Variants in DCDC2 observed in about 807,000 individuals in gnomAD.
DCDC2 encodes doublecortin domain containing 2, also known as doublecortin domain-containing protein 2.
In DCDC2, 40 loss-of-function variants were observed where a neutral mutation model predicts 50.2. The observed-to-expected ratio is 0.80, with a 90% CI of 0.62 to 1.04. The LOEUF is 1.04. DCDC2 is among the 50% of genes least tolerant of loss of function. DCDC2 has a pLI of 0.00. For synonymous variants in DCDC2, 234 were observed against 210.6 expected, an observed-to-expected ratio of 1.11 and a Z score of -0.96; for missense variants, 570 against 581.9, an observed-to-expected ratio of 0.98 and a Z score of 0.21.
At chr6:24,183,585 G>C (rs974004428) in intron 8 of DCDC2, among the ~76,000 whole-genome samples, 3 of 152,152 alleles carry the variant, frequency 2.0e-5, no homozygotes, top group African/African-American at 7.2e-5. Flanking sequence ...TTGGCCCAGA[G>C]ACAAGTTTCC....
chr6:24,262,688 G>T (rs548360029), intron 7 of DCDC2, among the ~76,000 whole-genome samples: 54 of 152,344 alleles, frequency 3.5e-4, no homozygotes, highest in African/African-American at 1.3e-3. Context: ...AGGATAGGGT[G>T]CCAGGCAGAG....
chr6:24,190,157 A>C (rs1009456191), intron 8 of DCDC2, among the ~76,000 whole-genome samples: 1 of 151,946 alleles, frequency 6.6e-6, no homozygotes, highest in Non-Finnish European at 1.5e-5. Flanking sequence ...ATGACCCTGT[A>C]AGTACAGAAG....
chr6:24,225,671 A>G (rs1018692656), intron 7 of DCDC2, among the ~76,000 whole-genome samples: 1 of 151,872 alleles, frequency 6.6e-6, no homozygotes, highest in Admixed American at 6.6e-5. Flanking sequence ...TACATTTTAT[A>G]TATTACATTA....
At chr6:24,367,630 A>C in the DCDC2 span, among the ~76,000 whole-genome samples, 1 of 152,242 alleles carries the variant, frequency 6.6e-6, no homozygotes, top group Non-Finnish European at 1.5e-5. Flanking sequence ...TTAAATGTAA[A>C]GTGATCCTGG....
chr6:24,196,237 G>A (rs1463918851), intron 8 of DCDC2, among the ~76,000 whole-genome samples: 1 of 144,338 alleles, frequency 6.9e-6, no homozygotes, highest in Admixed American at 7.0e-5. Flanking sequence ...TTTTTTTTAT[G>A]CAATACTCTC....
At chr6:24,286,545 A>T (rs889741195) in intron 6 of DCDC2, among the ~76,000 whole-genome samples, 23 of 150,478 alleles carry the variant, frequency 1.5e-4, no homozygotes, top group African/African-American at 5.2e-4. Flanking sequence ...GTAAACCATG[A>T]TCATGCCACT....
At chr6:24,254,219 G>A (rs969902246) in intron 7 of DCDC2, among the ~76,000 whole-genome samples, 15 of 152,104 alleles carry the variant, frequency 9.9e-5, no homozygotes, top group Admixed American at 9.2e-4. Flanking sequence ...GATACCTCCT[G>A]AAACACCTAC....
intron 7 of DCDC2, among the ~76,000 whole-genome samples, chr6:24,275,001 G>T (rs1350886456): frequency 6.6e-6 from 1 of 151,864 alleles, no homozygotes; most frequent in East Asian, 1.9e-4. Context: ...AGTAGAAAAA[G>T]CCATGTAAAT....
intron 7 of DCDC2, among the ~76,000 whole-genome samples, chr6:24,248,989 T>A (rs893215844): frequency 5.3e-5 from 8 of 152,196 alleles, no homozygotes; most frequent in Non-Finnish European, 1.2e-4. Context: ...TTTTTGCATT[T>A]AATAATTTTA....
At chr6:24,382,642 A>G in the DCDC2 span, among the ~76,000 whole-genome samples, 9 of 152,338 alleles carry the variant, frequency 5.9e-5, no homozygotes, top group South Asian at 1.9e-3. Flanking sequence ...ATGAAACTGG[A>G]TTCACCCTGT....
intron 7 of DCDC2, among the ~76,000 whole-genome samples, chr6:24,244,633 C>T (rs1762632704): frequency 6.6e-6 from 1 of 152,214 alleles, no homozygotes; most frequent in Non-Finnish European, 1.5e-5. Context: ...GTGCTTTCTC[C>T]TACTTTTCCT....
chr6:24,280,376 T>G (rs1763445466), intron 6 of DCDC2, among the ~76,000 whole-genome samples: 1 of 151,950 alleles, frequency 6.6e-6, no homozygotes, highest in South Asian at 2.1e-4. Flanking sequence ...GGGTTTTTTT[T>G]TTTTTTCTTT....
upstream of DCDC2, among the ~76,000 whole-genome samples, chr6:24,358,994 A>ATT (rs1485997602): frequency 2.2e-4 from 14 of 63,344 alleles, no homozygotes; most frequent in African/African-American, 8.0e-4. Context: ...TATATTATAT[A>ATT]TTATATATTT....
At chr6:24,251,069 T>TG (rs1762783373) in intron 7 of DCDC2, among the ~76,000 whole-genome samples, 1 of 152,158 alleles carries the variant, frequency 6.6e-6, no homozygotes, top group Non-Finnish European at 1.5e-5. Flanking sequence ...TTATTAAAAT[T>TG]TGTAAATTGT....
chr6:24,235,881 C>A (rs1762431726), intron 7 of DCDC2, among the ~76,000 whole-genome samples: 1 of 152,098 alleles, frequency 6.6e-6, no homozygotes, highest in Admixed American at 6.6e-5. Flanking sequence ...AAATAAAACA[C>A]CTAAGAATAC....
chr6:24,294,674 T>C (rs1460118143), intron 4 of DCDC2, among the ~76,000 whole-genome samples: 4 of 151,818 alleles, frequency 2.6e-5, no homozygotes, highest in Non-Finnish European at 5.9e-5. Context: ...AAAATAACCA[T>C]CAGAAACTAC....
chr6:24,325,991 C>T (rs1047585706), intron 2 of DCDC2, among the ~76,000 whole-genome samples: 4 of 148,886 alleles, frequency 2.7e-5, no homozygotes, highest in African/African-American at 9.7e-5. Flanking sequence ...AGACCACAAA[C>T]TACTGTAATT....
Position 24,202,345 on chromosome 6 carries a change from C to T in DCDC2, c.1023+2657G>A, listed in dbSNP as rs373971473. Among the ~76,000 whole-genome samples, 8 of 152,096 alleles carry T rather than the reference C, an allele frequency of 5.3e-5. No homozygotes were observed. In the East Asian group the frequency reaches 9.6e-4, roughly 18 times the overall value. On this transcript the variant is annotated intron_variant, in intron 8 of 9. Coordinates refer to ENST00000378454, the MANE Select transcript of DCDC2 (RefSeq NM_016356.5). ...GGTTCAACATACACAAATCAATAAA[C>T]GTAATCCATCACATAAACAGAACCA...
intron 2 of DCDC2, among the ~76,000 whole-genome samples, chr6:24,335,764 T>C (rs373819474): frequency 2.2e-4 from 33 of 152,110 alleles, no homozygotes; most frequent in Middle Eastern, 3.4e-3. Context: ...GCAGGAGAGT[T>C]AGCAAGAGCA....
Sources: gnomAD v4.1 joint callset for allele counts (sites outside exome capture counted in the v4.1 genomes callset) on GRCh38, gnomAD v4.1.1 for gene constraint, MANE v1.5 for transcripts, NCBI Gene and HGNC (gene_info 2026-07-23, HGNC 2026-07-21) for gene names.